KIF26B: variants seen among roughly 807,000 people sequenced by gnomAD.
KIF26B encodes kinesin family member 26B.
Under a neutral mutation model 151.2 loss-of-function variants are expected in KIF26B, and 63 were observed. The ratio of observed to expected loss-of-function variants is 0.42; its 90% CI spans 0.34 to 0.51. KIF26B has a LOEUF of 0.51. Ranked by LOEUF, KIF26B falls within the 20% of genes least tolerant of loss-of-function variation. KIF26B has a pLI of 0.07. For synonymous variants in KIF26B, 1,357 were observed against 1,262.1 expected (o/e 1.08, Z -1.59); for missense variants, 2,813 against 2,913.6 (o/e 0.97, Z 0.79).
chr1:245,655,913 T>C (rs904933956), intron 10 of KIF26B, among the ~76,000 whole-genome samples: 4 of 152,228 alleles, frequency 2.6e-5, no homozygotes, highest in African/African-American at 7.2e-5. Flanking sequence ...CATTTAACTC[T>C]GTCATCCATA....
chr1:245,452,876 A>G (rs988559659), intron 4 of KIF26B, among the ~76,000 whole-genome samples: 4 of 152,190 alleles, frequency 2.6e-5, no homozygotes, highest in East Asian at 1.9e-4. Context: ...CTTCCATTCT[A>G]TAGTTTGTCT....
Position 245,611,911 on chromosome 1 carries a change from A to C in KIF26B, c.2033A>C (p.Asn678Thr), listed in dbSNP as rs2103154130. The C allele has an allele frequency of 6.2e-7, 1 of 1,613,752 alleles. No individual in the cohort carries two copies. The highest frequency in any genetic ancestry group is 1.1e-5 in the South Asian group (1 of 91,060). ...QQDCDEDDHR[N>T]SHVFFTLHIY... ...GACTGTGATGAGGACGACCACCGCAACTCACACGTGTTCTTCACACTGCAC... is the reference window on the plus strand; with the variant it reads ...GACTGTGATGAGGACGACCACCGCACCTCACACGTGTTCTTCACACTGCAC... The change falls in exon 9 of 15, where the codon AAC becomes ACC. Residue 678 changes from asparagine (N) to threonine (T), a missense_variant. Physicochemically the swap from Asn to Thr is moderately conservative, Grantham distance 65. Transcript: ENST00000407071.
chr1:245,615,764 G>A (rs754721885), intron 9 of KIF26B, among the ~76,000 whole-genome samples: 20 of 152,304 alleles, frequency 1.3e-4, no homozygotes, highest in East Asian at 1.9e-4. Context: ...CAGACCTGGG[G>A]GACATCTCTT....
chr1:245,485,700 T>C (rs901940841), intron 4 of KIF26B, among the ~76,000 whole-genome samples: 2 of 152,054 alleles, frequency 1.3e-5, no homozygotes, highest in Non-Finnish European at 2.9e-5. Flanking sequence ...AGTTTTTAAA[T>C]GCTGCATGTG....
At chr1:245,155,570 C>G in intron 1 of KIF26B, 83 bp downstream of exon 1, 1 of 1,279,230 alleles carries the variant, frequency 7.8e-7, no homozygotes. Context: ...TCGTGCGGCC[C>G]CGGCCCCGAG....
chr1:245,532,409 C>T (rs983909404), intron 4 of KIF26B, among the ~76,000 whole-genome samples: 8 of 151,906 alleles, frequency 5.3e-5, no homozygotes, highest in African/African-American at 1.9e-4. Context: ...CCATGCCCAG[C>T]TAATTTTTTG....
At chr1:245,419,829 T>TTTCTAGTGTTTC in intron 4 of KIF26B, 84 bp downstream of exon 4, 1 of 1,284,944 alleles carries the variant, frequency 7.8e-7, no homozygotes, top group Non-Finnish European at 1.1e-6. Flanking sequence ...GCTGAAACAC[T>TTTCTAGTGTTTC]AGAAAGAGTT....
At chr1:245,614,330 A>G in intron 9 of KIF26B, among the ~76,000 whole-genome samples, 1 of 152,122 alleles carries the variant, frequency 6.6e-6, no homozygotes, top group East Asian at 1.9e-4. Flanking sequence ...GCCCACCACC[A>G]TGTCTGGCTA....
intron 9 of KIF26B, among the ~76,000 whole-genome samples, chr1:245,630,896 T>G (rs79728795): frequency 0.029 from 4,381 of 152,280 alleles, 214 homozygotes; most frequent in African/African-American, 0.099. Context: ...TCCTAGGTAT[T>G]TTTTAGTAGC....
chr1:245,590,297 G>A (rs1005300850), intron 5 of KIF26B, among the ~76,000 whole-genome samples: 2 of 152,110 alleles, frequency 1.3e-5, no homozygotes, highest in Non-Finnish European at 2.9e-5. Flanking sequence ...TTGTGCCCCC[G>A]GGGCGGCTGG....
intron 4 of KIF26B, among the ~76,000 whole-genome samples, chr1:245,477,728 C>T (rs1660071190): frequency 6.6e-6 from 1 of 151,596 alleles, no homozygotes; most frequent in South Asian, 2.1e-4. Context: ...CAAGGAACAG[C>T]AAGGAGTCCA....
chr1:245,472,527 C>T (rs1336731036), intron 4 of KIF26B, among the ~76,000 whole-genome samples: 1 of 152,186 alleles, frequency 6.6e-6, no homozygotes, highest in Non-Finnish European at 1.5e-5. Flanking sequence ...CTGCAGTGAG[C>T]ATTCTCTTTG....
chr1:245,313,662 G>A (rs1367273998), intron 2 of KIF26B, among the ~76,000 whole-genome samples: 1 of 152,208 alleles, frequency 6.6e-6, no homozygotes, highest in Admixed American at 6.5e-5. Flanking sequence ...CCCGCGGCAA[G>A]CATTCACACC....
chr1:245,367,465 G>A lies in KIF26B; in HGVS notation c.999+98G>A, dbSNP rs140728104. On this transcript the variant is annotated intron_variant, in intron 3 of 14. Transcript: ENST00000407071. The surrounding 1 kb of genome is among the most constrained non-coding windows in gnomAD (Gnocchi z 4.2). ...TCCGCTGCCTCCTCCCGGGAACCCT[G>A]TAACTCAGAGCCCAGTGTTTCCATG... 1,149 of 1,124,732 alleles carry A rather than the reference G, an allele frequency of 1.0e-3. 10 individuals are homozygous for A. In the African/African-American group the frequency reaches 0.016, roughly 15 times the overall value. The allele number at this position is 1,124,732 out of a possible 1,614,324, so 69.7% of individuals were successfully genotyped here.
intron 2 of KIF26B, among the ~76,000 whole-genome samples, chr1:245,357,065 G>T (rs60923611): frequency 6.6e-6 from 1 of 152,130 alleles, no homozygotes; most frequent in African/African-American, 2.4e-5. Flanking sequence ...TTCATGGCTG[G>T]TTCAGGCTGA....
intron 4 of KIF26B, among the ~76,000 whole-genome samples, chr1:245,490,072 A>G (rs1660370496): frequency 6.6e-6 from 1 of 152,102 alleles, no homozygotes; most frequent in African/African-American, 2.4e-5. Context: ...CTGTTTGTAG[A>G]TTTGTTCGAC....
chr1:245,159,195 T>C (rs1668495320), intron 2 of KIF26B, among the ~76,000 whole-genome samples: 1 of 152,202 alleles, frequency 6.6e-6, no homozygotes, highest in Non-Finnish European at 1.5e-5. Flanking sequence ...TTAACAAAAA[T>C]CATCTGTGTA....
At chr1:245,378,841 G>A (rs184036840) in intron 3 of KIF26B, among the ~76,000 whole-genome samples, 4 of 152,262 alleles carry the variant, frequency 2.6e-5, no homozygotes, top group Admixed American at 2.6e-4. Flanking sequence ...ACCTCAAGCG[G>A]GCTTCTTAAC....
intron 2 of KIF26B, chr1:245,282,701 C>T: frequency 6.3e-6 from 1 of 158,870 alleles, no homozygotes; most frequent in Non-Finnish European, 1.4e-5. Flanking sequence ...GTATCTGGGG[C>T]AGGTGGGTTT....
Sources: allele counts gnomAD v4.1 joint callset (sites outside exome capture counted in the v4.1 genomes callset), GRCh38; gene constraint gnomAD v4.1.1; non-coding constraint Gnocchi (gnomAD v3.1); transcripts MANE v1.5; gene names NCBI Gene and HGNC (gene_info 2026-07-23, HGNC 2026-07-21).